CSMD1: variants seen among roughly 807,000 people sequenced by gnomAD.
CSMD1 encodes CUB and sushi domain-containing protein 1.
In CSMD1, 213 loss-of-function variants were observed where a neutral mutation model predicts 417.5. The ratio of observed to expected loss-of-function variants is 0.51; its 90% CI spans 0.46 to 0.57. CSMD1 has a LOEUF of 0.57. Among genes scored for constraint, CSMD1 ranks in the 20% least tolerant of loss-of-function variants. The pLI is 0.00. For synonymous variants in CSMD1, 2,862 were observed against 1,736.8 expected, an observed-to-expected ratio of 1.65 and a Z score of -16.11; for missense variants, 6,923 against 4,529.7, an observed-to-expected ratio of 1.53 and a Z score of -15.17.
chr8:3,029,928 T>G (rs1810229244), intron 50 of CSMD1, among the ~76,000 whole-genome samples: 7 of 152,054 alleles, frequency 4.6e-5, no homozygotes, highest in Admixed American at 3.3e-4. Flanking sequence ...GGACACTAAT[T>G]TTCAGAAACT....
intron 3 of CSMD1, among the ~76,000 whole-genome samples, chr8:4,316,907 G>A (rs1332834001): frequency 6.6e-6 from 1 of 151,054 alleles, no homozygotes; most frequent in Non-Finnish European, 1.5e-5. Flanking sequence ...ATCTTCAAAG[G>A]AATAGAAAAG....
chr8:4,091,479 T>G (rs908893608), intron 3 of CSMD1, among the ~76,000 whole-genome samples: 24 of 152,202 alleles, frequency 1.6e-4, no homozygotes, highest in African/African-American at 5.5e-4. Context: ...GAGGGATTTT[T>G]AAAAGTATTT....
intron 1 of CSMD1, among the ~76,000 whole-genome samples, chr8:4,880,264 G>GA (rs1165677677): frequency 1.4e-4 from 21 of 151,896 alleles, no homozygotes; most frequent in East Asian, 5.8e-4. Context: ...AAAGGATGGA[G>GA]AAAAAAAATG....
intron 5 of CSMD1, among the ~76,000 whole-genome samples, chr8:3,801,254 G>A (rs145822902): frequency 1.1e-4 from 16 of 151,284 alleles, no homozygotes; most frequent in Non-Finnish European, 2.2e-4. Context: ...GAACTTACAA[G>A]TCAACAACAA....
intron 5 of CSMD1, among the ~76,000 whole-genome samples, chr8:3,776,255 A>G (rs1022765300): frequency 2.0e-5 from 3 of 152,060 alleles, no homozygotes; most frequent in African/African-American, 4.8e-5. Context: ...CCCTGCTTCT[A>G]TCCTCCCTGC....
At chr8:4,787,216 G>A in intron 1 of CSMD1, 1 of 479,854 alleles carries the variant, frequency 2.1e-6, no homozygotes, top group Non-Finnish European at 3.9e-6. Context: ...CCGCCAGGGG[G>A]CGCGCCTGGG....
chr8:4,947,777 A>AT (rs1808467581), intron 1 of CSMD1, among the ~76,000 whole-genome samples: 1 of 151,988 alleles, frequency 6.6e-6, no homozygotes, highest in Non-Finnish European at 1.5e-5. Context: ...TTGAATTTGC[A>AT]TTTTTTCAAA....
intron 3 of CSMD1, among the ~76,000 whole-genome samples, chr8:4,293,183 C>T (rs553705270): frequency 4.2e-4 from 64 of 152,132 alleles, no homozygotes; most frequent in African/African-American, 1.5e-3. Context: ...CTGAACCTCC[C>T]TGGCACAGAG....
At chr8:2,968,062 G>C (rs1466399886) in intron 57 of CSMD1, among the ~76,000 whole-genome samples, 4 of 152,178 alleles carry the variant, frequency 2.6e-5, no homozygotes, top group East Asian at 1.9e-4. Flanking sequence ...TGGCATATGA[G>C]TTGGGATGTA....
In CSMD1 at chr8:4,197,575, T is replaced by C. The variant is rs118011033; in HGVS notation, c.416-165476A>G. Among the ~76,000 whole-genome samples, 1,476 of 152,294 alleles carry C rather than the reference T, an allele frequency of 9.7e-3. 18 individuals carry two copies. The highest frequency in any genetic ancestry group is 0.014 in the Admixed American group (215 of 15,294). The stretch of plus-strand genomic sequence containing the variant: ...CTGGTTCTATTTCTTTGGAGAGCCC[T>C]GGCTAATAAAAATCATCTTCCAGCT... On this transcript the variant is annotated intron_variant, in intron 3 of 69. Coordinates refer to ENST00000635120, the MANE Select transcript of CSMD1 (RefSeq NM_033225.6).
intron 1 of CSMD1, among the ~76,000 whole-genome samples, chr8:4,707,886 C>CAAAAAAAAAAAAAAAAAAAAAA (rs552510236): frequency 6.9e-5 from 7 of 100,846 alleles, no homozygotes; most frequent in Non-Finnish European, 1.2e-4. Context: ...GACTTTGTTT[C>CAAAAAAAAAAAAAAAAAAAAAA]AAAAAAAAAA....
intron 26 of CSMD1, among the ~76,000 whole-genome samples, chr8:3,241,054 T>C (rs1363741450): frequency 4.7e-5 from 7 of 148,440 alleles, no homozygotes; most frequent in African/African-American, 1.7e-4. Flanking sequence ...ATCTCATACT[T>C]GTGGGTTAAG....
chr8:4,977,315 G>T (rs1447082447), intron 1 of CSMD1, among the ~76,000 whole-genome samples: 2 of 152,042 alleles, frequency 1.3e-5, no homozygotes, highest in Non-Finnish European at 2.9e-5. Flanking sequence ...AGGGTTATAC[G>T]CCCTTCTAAC....
intron 5 of CSMD1, among the ~76,000 whole-genome samples, chr8:3,966,002 C>G (rs1389676704): frequency 6.6e-6 from 1 of 152,086 alleles, no homozygotes; most frequent in Non-Finnish European, 1.5e-5. Flanking sequence ...TAATATGAAG[C>G]ATAGATTCAA....
intron 3 of CSMD1, among the ~76,000 whole-genome samples, chr8:4,312,207 G>A (rs1237931793): frequency 1.3e-5 from 2 of 151,764 alleles, no homozygotes; most frequent in African/African-American, 4.8e-5. Context: ...CTATCTATAT[G>A]CATGTGTAGA....
chr8:3,588,364 T>C (rs989490647), intron 8 of CSMD1, among the ~76,000 whole-genome samples: 4 of 151,940 alleles, frequency 2.6e-5, no homozygotes, highest in Non-Finnish European at 4.4e-5. Context: ...ATAAATAAAA[T>C]GACATGAGAG....
intron 11 of CSMD1, among the ~76,000 whole-genome samples, chr8:3,486,674 C>G (rs1818052767): frequency 6.6e-6 from 1 of 152,222 alleles, no homozygotes; most frequent in Non-Finnish European, 1.5e-5. Flanking sequence ...AGCAGCTGCC[C>G]TCGGGCTCCG....
intron 7 of CSMD1, among the ~76,000 whole-genome samples, chr8:3,652,161 G>A (rs893722526): frequency 1.4e-5 from 2 of 146,584 alleles, no homozygotes; most frequent in African/African-American, 5.1e-5. Context: ...ACCACCATCA[G>A]AGCGCTTACC....
chr8:4,492,842 A>G (rs1801776126), intron 2 of CSMD1, among the ~76,000 whole-genome samples: 1 of 152,214 alleles, frequency 6.6e-6, no homozygotes, highest in Non-Finnish European at 1.5e-5. Flanking sequence ...CTTCTCATGC[A>G]TACTTTGTTA....
Sources: allele counts gnomAD v4.1 joint callset (sites outside exome capture counted in the v4.1 genomes callset), GRCh38; gene constraint gnomAD v4.1.1; transcripts MANE v1.5; gene names NCBI Gene and HGNC (gene_info 2026-07-23, HGNC 2026-07-21).